The following SET variants were observed in gnomAD, a reference collection of about 807,000 sequenced individuals.
SET encodes SET nuclear proto-oncogene.
Under a neutral mutation model 39.0 loss-of-function variants are expected in SET, and 4 were observed. That is an observed-to-expected ratio of 0.10 (90% CI 0.05 to 0.23). The LOEUF (loss-of-function observed/expected upper bound fraction) is 0.23. Ranked by LOEUF, SET falls within the 10% of genes least tolerant of loss-of-function variation. The pLI, the probability that SET is intolerant of heterozygous loss-of-function variation, is 1.00. For synonymous variants in SET, 114 were observed against 115.9 expected, an observed-to-expected ratio of 0.98 and a Z score of 0.11; for missense variants, 137 against 329.7, an observed-to-expected ratio of 0.42 and a Z score of 4.53.
rs759991013 is a variant in SET at position 128,689,958 on chromosome 9, C to G, written c.73+303C>G. On this transcript the variant is annotated intron_variant, in intron 1 of 7. Coordinates refer to ENST00000322030, the MANE Select transcript of SET (RefSeq NM_003011.4). The stretch of plus-strand genomic sequence containing the variant: ...CGCTCTCCTCCCCCTCCCTCCCTCC[C>G]GAGAAGCCTCTCTTTATTGTGCTCC... 226 of 846,636 alleles carry G rather than the reference C, an allele frequency of 2.7e-4. 1 individual carries two copies. In the African/African-American group the frequency reaches 3.9e-3, roughly 15 times the overall value. 52.4% of individuals were successfully genotyped at this position (846,636 alleles called of 1,614,324 possible).
At chr9:128,689,737 G>T (rs1006020045) in intron 1 of SET, 82 bp downstream of exon 1, 1 of 204,294 alleles carries the variant, frequency 4.9e-6, no homozygotes, top group Non-Finnish European at 8.3e-6. Flanking sequence ...GCGGGGCCCG[G>T]GGCGCGCGCG....
At chr9:128,684,020 G>T (rs538070221) in intron 1 of SET, 3 of 1,527,914 alleles carry the variant, frequency 2.0e-6, no homozygotes, top group Non-Finnish European at 1.8e-6. Context: ...ACGTTTCTGC[G>T]CTAAGTTTTA....
intron 2 of SET, among the ~76,000 whole-genome samples, chr9:128,691,627 C>T (rs564308646): frequency 2.0e-5 from 3 of 152,104 alleles, no homozygotes; most frequent in Admixed American, 6.6e-5. Flanking sequence ...ACACACGTTA[C>T]CAGAGTGTTG....
intron 2 of SET, 82 bp from the exon 3 acceptor site, chr9:128,691,776 A>G: frequency 7.4e-7 from 1 of 1,350,528 alleles, no homozygotes; most frequent in South Asian, 1.4e-5. Context: ...CAAGCTAGTA[A>G]GTAAATACAC....
intron 7 of SET, 109 bp downstream of exon 7, chr9:128,694,151 T>A: frequency 1.9e-6 from 2 of 1,038,778 alleles, no homozygotes; most frequent in Non-Finnish European, 2.6e-6. Flanking sequence ...GAACTGATTG[T>A]GGAAAAAAAG....
upstream of SET, chr9:128,685,307 AG>A: frequency 9.6e-7 from 1 of 1,043,920 alleles, no homozygotes; most frequent in Non-Finnish European, 1.5e-6. Flanking sequence ...CTGAAATCTA[AG>A]GGGAGCACTA....
rs1205119779 is a variant in SET at position 128,689,547 on chromosome 9, C to T, written c.-36C>T. 1 of 1,179,616 alleles carries T rather than the reference C, an allele frequency of 8.5e-7. No homozygotes were observed. The allele number at this position is 1,179,616 out of a possible 1,614,324, so 73.1% of individuals were successfully genotyped here. A position where few individuals can be genotyped will look rare whatever the true frequency, so the allele number is the denominator to read the frequency against. On this transcript the variant is annotated 5_prime_UTR_variant, in exon 1 of 8. Coordinates refer to ENST00000322030, the MANE Select transcript of SET (RefSeq NM_003011.4). ...GCCCCCTTCGCCTTCCCTTCTCTCC[C>T]CCTCCCCGCTCCCCCCCCGACCGCG...
At chr9:128,687,850 A>G (rs1407850708), upstream of SET, among the ~76,000 whole-genome samples, 1 of 152,056 alleles carries the variant, frequency 6.6e-6, no homozygotes. Context: ...TTGGCCTCCC[A>G]AAGTGTTGGG....
chr9:128,686,402 C>T (rs1861286613), upstream of SET, among the ~76,000 whole-genome samples: 1 of 152,152 alleles, frequency 6.6e-6, no homozygotes, highest in South Asian at 2.1e-4. Flanking sequence ...CCTGGGACCC[C>T]TGCAGGTGCT....
Position 128,695,848 on chromosome 9 carries a change from T to C in SET, c.*1184T>C, listed in dbSNP as rs1414553950. ...TATCTCCAAGTGGCAGTTTTTAAAATTGGCCTTTTACCTGGATATAAATTA... is the reference window on the plus strand; with the variant it reads ...TATCTCCAAGTGGCAGTTTTTAAAACTGGCCTTTTACCTGGATATAAATTA... On this transcript the variant is annotated 3_prime_UTR_variant, in exon 8 of 8. Coordinates refer to ENST00000322030, the MANE Select transcript of SET (RefSeq NM_003011.4). The C allele has an allele frequency of 3.1e-5, 7 of 228,302 alleles. No individual in the cohort carries two copies. The highest frequency in any genetic ancestry group is 6.1e-5 in the Non-Finnish European group (7 of 114,440). 14.1% of individuals were successfully genotyped at this position (228,302 alleles called of 1,614,324 possible).
chr9:128,691,339 A>G (rs1457396467), intron 2 of SET, 112 bp downstream of exon 2: 2 of 729,992 alleles, frequency 2.7e-6, no homozygotes, highest in East Asian at 5.2e-5. Flanking sequence ...AAATGATTCT[A>G]ACTTGGTTGG....
chr9:128,689,273 C>T lies in SET; in HGVS notation c.-310C>T, dbSNP rs1360780818. On this transcript the variant is annotated 5_prime_UTR_variant, in exon 1 of 8. Coordinates refer to ENST00000322030, the MANE Select transcript of SET (RefSeq NM_003011.4). The stretch of plus-strand genomic sequence containing the variant: ...GGAGGCGGCTCGGGAGAGCGAGCAG[C>T]GAGCTGGCTGGATCGCCGAGCGCGA... The T allele has an allele frequency of 3.0e-6, 3 of 1,010,082 alleles. No homozygotes were observed. Among genetic ancestry groups the T allele is most frequent in the East Asian group, 8.0e-5 (1 of 12,432 alleles). 62.6% of individuals were successfully genotyped at this position (1,010,082 alleles called of 1,614,324 possible).
chr9:128,688,940 G>C (rs534760130), upstream of SET, among the ~76,000 whole-genome samples: 6 of 151,862 alleles, frequency 4.0e-5, no homozygotes, highest in East Asian at 1.9e-4. Context: ...CGCGCCGGCC[G>C]GGGGCACCCG....
chr9:128,683,743 G>C (rs1219931585), exon 1 of SET: 5 of 590,130 alleles, frequency 8.5e-6, no homozygotes, highest in Non-Finnish European at 1.2e-5. Flanking sequence ...AGGGGGCCGG[G>C]GTGTGTGTCC....
chr9:128,685,805 G>A (rs1361297780), upstream of SET, among the ~76,000 whole-genome samples: 1 of 152,148 alleles, frequency 6.6e-6, no homozygotes, highest in East Asian at 1.9e-4. Flanking sequence ...GCCGAGGTGG[G>A]CAGATCACCT....
chr9:128,685,280 CCA>C, upstream of SET: 4 of 1,314,818 alleles, frequency 3.0e-6, no homozygotes, highest in Non-Finnish European at 4.3e-6. Context: ...GTACTGATCT[CCA>C]GGCTTGCTGT....
At position 128,689,958 on chromosome 9, in the gene SET, C is replaced by T. The variant is rs759991013; in HGVS notation, c.73+303C>T. 4 of 846,578 alleles carry T rather than the reference C, an allele frequency of 4.7e-6. No individual in the cohort carries two copies. In the African/African-American group the frequency reaches 5.6e-5, roughly 12 times the overall value. The allele number at this position is 846,578 out of a possible 1,614,324, so 52.4% of individuals were successfully genotyped here. ...CGCTCTCCTCCCCCTCCCTCCCTCC[C>T]GAGAAGCCTCTCTTTATTGTGCTCC... On this transcript the variant is annotated intron_variant, in intron 1 of 7. Transcript: ENST00000322030.
chr9:128,691,422 C>A (rs1386105949), intron 2 of SET, among the ~76,000 whole-genome samples, 195 bp downstream of exon 2: 2 of 152,178 alleles, frequency 1.3e-5, no homozygotes, highest in African/African-American at 2.4e-5. Flanking sequence ...ATTGACCTTA[C>A]AAGGTTTGGG....
chr9:128,692,083 G>T, intron 3 of SET, 83 bp downstream of exon 3: 1 of 1,518,774 alleles, frequency 6.6e-7, no homozygotes. Context: ...AGTCCAGCAT[G>T]CTGGGTTGCG....
Sources: allele counts gnomAD v4.1 joint callset (sites outside exome capture counted in the v4.1 genomes callset), GRCh38; gene constraint gnomAD v4.1.1; transcripts MANE v1.5; gene names NCBI Gene and HGNC (gene_info 2026-07-23, HGNC 2026-07-21).